Variants in ROBO1 observed in about 807,000 individuals in gnomAD.
The protein encoded by ROBO1 is roundabout guidance receptor 1, also known as roundabout homolog 1.
ROBO1 carries 149 observed loss-of-function variants against 195.9 expected under a neutral mutation model. The observed-to-expected ratio is 0.76, with a 90% CI of 0.67 to 0.87. ROBO1 has a LOEUF of 0.87. ROBO1 is among the 40% of genes least tolerant of loss of function. ROBO1 has a pLI of 0.00. For missense variants in ROBO1, 1,933 were observed against 2,068.3 expected (o/e 0.93, Z 1.27); for synonymous variants, 816 against 733.2 (o/e 1.11, Z -1.82).
intron 1 of ROBO1, among the ~76,000 whole-genome samples, chr3:79,659,601 C>T (rs1342471447): frequency 7.3e-6 from 1 of 137,260 alleles, no homozygotes; most frequent in Non-Finnish European, 1.6e-5. Context: ...AACAATGGAC[C>T]CAGAGTTCAG....
At chr3:79,207,531 T>C (rs2081892026) in intron 2 of ROBO1, among the ~76,000 whole-genome samples, 1 of 152,200 alleles carries the variant, frequency 6.6e-6, no homozygotes, top group African/African-American at 2.4e-5. Flanking sequence ...GAGATTTCTA[T>C]AATGAGAGAC....
At chr3:79,522,463 A>T (rs1036343495) in intron 2 of ROBO1, among the ~76,000 whole-genome samples, 2 of 152,090 alleles carry the variant, frequency 1.3e-5, no homozygotes, top group Non-Finnish European at 2.9e-5. Flanking sequence ...TTGAAAGCAG[A>T]AGTAATCATC....
At chr3:79,569,705 G>A (rs934384803) in intron 2 of ROBO1, among the ~76,000 whole-genome samples, 7 of 151,242 alleles carry the variant, frequency 4.6e-5, no homozygotes, top group South Asian at 2.1e-4. Flanking sequence ...ATATATGTGT[G>A]TGTGTATATA....
intron 2 of ROBO1, among the ~76,000 whole-genome samples, chr3:79,578,678 G>T (rs1004105859): frequency 1.1e-4 from 17 of 152,238 alleles, no homozygotes; most frequent in Admixed American, 1.1e-3. Flanking sequence ...GTATACAGCT[G>T]CCTAATAATC....
At chr3:79,248,578 A>G (rs940903183) in intron 2 of ROBO1, among the ~76,000 whole-genome samples, 1 of 152,168 alleles carries the variant, frequency 6.6e-6, no homozygotes, top group African/African-American at 2.4e-5. Context: ...TTTAAAAAGC[A>G]ATATTGTGAT....
At position 78,627,434 on chromosome 3, in the gene ROBO1, G is replaced by A; in HGVS notation, c.3762C>T (p.Ser1254=). Reference sequence around the variant, plus strand: ...GAGTGGCAGTGGACTGATGGCTATAGGACACGGCAGCTGGAGAAGAAGCTG... The same window carrying A: ...GAGTGGCAGTGGACTGATGGCTATAAGACACGGCAGCTGGAGAAGAAGCTG... ...RGAASSPAAV[S]YSHQSTATLT... is the part of the protein sequence containing the mutation. The change falls in exon 26 of 31, where the codon TCC becomes TCT. Residue 1254 remains serine (S), a synonymous_variant. Coordinates refer to ENST00000464233, the MANE Select transcript of ROBO1 (RefSeq NM_002941.4). The A allele has an allele frequency of 6.2e-7, 1 of 1,613,056 alleles. No homozygotes were observed. The highest frequency in any genetic ancestry group is 1.7e-5 in the Admixed American group (1 of 59,930).
At chr3:79,707,381 T>C (rs549087807) in intron 1 of ROBO1, among the ~76,000 whole-genome samples, 14 of 152,124 alleles carry the variant, frequency 9.2e-5, no homozygotes, top group African/African-American at 3.4e-4. Flanking sequence ...CCCTTGCCCA[T>C]TTTTTTTCTT....
chr3:79,653,161 A>G (rs2106762692), intron 1 of ROBO1, among the ~76,000 whole-genome samples: 1 of 151,938 alleles, frequency 6.6e-6, no homozygotes, highest in South Asian at 2.1e-4. Context: ...ATGTTATATA[A>G]AATTATTATA....
chr3:79,427,493 A>G (rs1336635019), intron 2 of ROBO1, among the ~76,000 whole-genome samples: 2 of 152,136 alleles, frequency 1.3e-5, no homozygotes, highest in South Asian at 2.1e-4. Flanking sequence ...AGCTCTACCA[A>G]TTGTGGGTTG....
chr3:78,893,324 G>A (rs961933661), intron 4 of ROBO1, among the ~76,000 whole-genome samples: 6 of 152,002 alleles, frequency 3.9e-5, no homozygotes, highest in African/African-American at 1.2e-4. Flanking sequence ...CCATTGGCTC[G>A]CCCTTCTGCC....
Position 79,054,224 on chromosome 3 carries a change from A to T in ROBO1, c.172+71232T>A, listed in dbSNP as rs1353709288. Among the ~76,000 whole-genome samples, 4 of 152,248 alleles carry T rather than the reference A, an allele frequency of 2.6e-5. No individual in the cohort carries two copies. In the East Asian group the frequency reaches 7.8e-4, roughly 30 times the overall value. On this transcript the variant is annotated intron_variant, in intron 3 of 30. Transcript: ENST00000464233. ...TAAACTTTGATGCTCTTACCACAGA[A>T]CAAGTAACAAAGGTGTGTATGAGAG...
intron 4 of ROBO1, among the ~76,000 whole-genome samples, chr3:78,936,414 T>A (rs1231394562): frequency 6.6e-6 from 1 of 152,076 alleles, no homozygotes; most frequent in East Asian, 1.9e-4. Context: ...ATATCATAAC[T>A]TGATAGTAAT....
At chr3:78,788,202 G>A (rs1322350621) in intron 4 of ROBO1, among the ~76,000 whole-genome samples, 47 of 149,462 alleles carry the variant, frequency 3.1e-4, no homozygotes, top group African/African-American at 1.1e-3. Flanking sequence ...TGCAAGCTCC[G>A]CCTCCTGGGT....
chr3:79,156,854 T>A (rs2080867666), intron 2 of ROBO1, among the ~76,000 whole-genome samples: 1 of 151,848 alleles, frequency 6.6e-6, no homozygotes, highest in African/African-American at 2.4e-5. Context: ...TTAGGGCGTC[T>A]ACAGATTCCT....
chr3:79,039,429 T>C (rs1005379097), intron 3 of ROBO1, among the ~76,000 whole-genome samples: 2 of 152,184 alleles, frequency 1.3e-5, no homozygotes, highest in African/African-American at 2.4e-5. Context: ...GGGAGTATTG[T>C]ACTGCCTTTC....
chr3:78,665,756 G>T (rs902802274), intron 14 of ROBO1, among the ~76,000 whole-genome samples: 1 of 152,088 alleles, frequency 6.6e-6, no homozygotes, highest in Non-Finnish European at 1.5e-5. Context: ...TATAGGTGAG[G>T]AAACTCAGAA....
intron 4 of ROBO1, among the ~76,000 whole-genome samples, chr3:78,933,230 G>A (rs892965039): frequency 6.6e-6 from 1 of 152,066 alleles, no homozygotes; most frequent in Non-Finnish European, 1.5e-5. Flanking sequence ...AATGCCCATT[G>A]AAACTCAAAT....
chr3:79,369,912 TAA>T (rs1312550395), intron 2 of ROBO1, among the ~76,000 whole-genome samples: 1 of 152,168 alleles, frequency 6.6e-6, no homozygotes, highest in East Asian at 1.9e-4. Context: ...GACAAAAATA[TAA>T]AGACATAAGA....
intron 2 of ROBO1, among the ~76,000 whole-genome samples, chr3:79,243,295 C>T (rs1449086211): frequency 2.6e-5 from 4 of 152,006 alleles, no homozygotes; most frequent in East Asian, 1.9e-4. Flanking sequence ...TATAAACATA[C>T]GTGTGCATGT....
Sources: gnomAD v4.1 joint callset for allele counts (sites outside exome capture counted in the v4.1 genomes callset) on GRCh38, gnomAD v4.1.1 for gene constraint, MANE v1.5 for transcripts, NCBI Gene and HGNC (gene_info 2026-07-23, HGNC 2026-07-21) for gene names.